ZNF385D: variants seen among roughly 807,000 people sequenced by gnomAD.
ZNF385D encodes zinc finger protein 385D, also known as zinc finger protein 659.
Under a neutral mutation model 35.8 loss-of-function variants are expected in ZNF385D, and 15 were observed. The ratio of observed to expected loss-of-function variants is 0.42; its 90% CI spans 0.28 to 0.64. The LOEUF is 0.64. Among genes scored for constraint, ZNF385D ranks in the 30% least tolerant of loss-of-function variants. ZNF385D has a pLI of 0.23. For missense variants in ZNF385D, 474 were observed against 494.6 expected, an observed-to-expected ratio of 0.96 and a Z score of 0.39; for synonymous variants, 212 against 186.8, an observed-to-expected ratio of 1.13 and a Z score of -1.10.
intron 3 of ZNF385D, among the ~76,000 whole-genome samples, chr3:22,090,540 C>T (rs577821386): frequency 9.6e-4 from 146 of 152,110 alleles, no homozygotes; most frequent in African/African-American, 3.4e-3. Flanking sequence ...CAATTCACAG[C>T]CTAAGGGTCA....
intron 2 of ZNF385D, among the ~76,000 whole-genome samples, chr3:22,183,555 A>T (rs1159492555): frequency 6.6e-6 from 1 of 152,046 alleles, no homozygotes; most frequent in East Asian, 1.9e-4. Flanking sequence ...ACGGTGTTTC[A>T]CCATATTGGC....
At chr3:22,234,269 A>G (rs1230595156) in intron 2 of ZNF385D, among the ~76,000 whole-genome samples, 1 of 152,088 alleles carries the variant, frequency 6.6e-6, no homozygotes, top group East Asian at 1.9e-4. Flanking sequence ...GTATTTTATT[A>G]GCTGCCATCA....
intron 3 of ZNF385D, among the ~76,000 whole-genome samples, chr3:21,769,936 A>G (rs533626966): frequency 1.3e-5 from 2 of 152,034 alleles, no homozygotes; most frequent in Non-Finnish European, 2.9e-5. Flanking sequence ...AATACCACAC[A>G]TCTACAACTA....
intron 4 of ZNF385D, among the ~76,000 whole-genome samples, chr3:21,476,844 T>C (rs1237299734): frequency 2.0e-5 from 3 of 152,122 alleles, no homozygotes; most frequent in East Asian, 1.9e-4. Flanking sequence ...TTCCCATCTG[T>C]GGAAGAGATT....
At chr3:22,364,202 A>G (rs1343821529) in intron 2 of ZNF385D, among the ~76,000 whole-genome samples, 1 of 152,120 alleles carries the variant, frequency 6.6e-6, no homozygotes, top group Non-Finnish European at 1.5e-5. Context: ...AGAATAAGCA[A>G]TGAGTTTTGG....
chr3:21,628,804 A>T (rs2065203485), intron 2 of ZNF385D, among the ~76,000 whole-genome samples: 1 of 152,152 alleles, frequency 6.6e-6, no homozygotes. Context: ...AAGCACTATT[A>T]ATAATGATAA....
At chr3:21,647,040 A>C (rs1348133412) in intron 2 of ZNF385D, among the ~76,000 whole-genome samples, 1 of 152,212 alleles carries the variant, frequency 6.6e-6, no homozygotes, top group Non-Finnish European at 1.5e-5. Context: ...AGTGGCAAGG[A>C]AAACAGCAAA....
At chr3:21,833,667 G>A (rs1695143960) in intron 3 of ZNF385D, among the ~76,000 whole-genome samples, 1 of 152,026 alleles carries the variant, frequency 6.6e-6, no homozygotes, top group South Asian at 2.1e-4. Context: ...GACAGCTCCA[G>A]GAAACAAAAT....
chr3:21,986,546 T>A (rs1227402485), intron 3 of ZNF385D, among the ~76,000 whole-genome samples: 1 of 146,150 alleles, frequency 6.8e-6, no homozygotes, highest in Non-Finnish European at 1.5e-5. Flanking sequence ...TTTGTTATAA[T>A]TTCTGTTCTT....
At chr3:22,110,524 A>T (rs1168464108) in intron 3 of ZNF385D, among the ~76,000 whole-genome samples, 1 of 152,106 alleles carries the variant, frequency 6.6e-6, no homozygotes, top group Non-Finnish European at 1.5e-5. Flanking sequence ...CATTCTCAGC[A>T]AACTATCACA....
chr3:21,841,939 T>C (rs899035996), intron 3 of ZNF385D, among the ~76,000 whole-genome samples: 4 of 151,696 alleles, frequency 2.6e-5, no homozygotes, highest in Non-Finnish European at 4.4e-5. Flanking sequence ...TATATACATA[T>C]ATATACACAC....
At chr3:22,014,987 A>C (rs1696795078) in intron 3 of ZNF385D, among the ~76,000 whole-genome samples, 1 of 152,096 alleles carries the variant, frequency 6.6e-6, no homozygotes, top group Admixed American at 6.5e-5. Context: ...AATTTCATTC[A>C]TCATACATGT....
At chr3:21,758,332 T>C (rs2070439711) in intron 3 of ZNF385D, among the ~76,000 whole-genome samples, 1 of 152,132 alleles carries the variant, frequency 6.6e-6, no homozygotes, top group Non-Finnish European at 1.5e-5. Context: ...ATGAGGTTAG[T>C]GATTGGAACA....
intron 3 of ZNF385D, among the ~76,000 whole-genome samples, chr3:22,048,798 T>G (rs971607170): frequency 6.6e-6 from 1 of 152,212 alleles, no homozygotes; most frequent in Non-Finnish European, 1.5e-5. Flanking sequence ...ATTGGAATTT[T>G]GATAGTGATT....
At chr3:22,072,323 G>A (rs984163063) in intron 3 of ZNF385D, among the ~76,000 whole-genome samples, 1 of 139,630 alleles carries the variant, frequency 7.2e-6, no homozygotes, top group Non-Finnish European at 1.5e-5. Flanking sequence ...CTTCTTGGAA[G>A]TTATTTGTGA....
chr3:21,900,696 T>G (rs149578838), intron 3 of ZNF385D, among the ~76,000 whole-genome samples: 194 of 152,286 alleles, frequency 1.3e-3, no homozygotes, highest in African/African-American at 4.3e-3. Flanking sequence ...ATTAGCTTGT[T>G]GTCAATATAA....
In ZNF385D at chr3:21,681,298, TAAAAAAAAA is replaced by T. The variant is rs55872870; in HGVS notation, c.23-16279_23-16271del. ...AGCCTATGTGAATATATTCCATCAG[TAAAAAAAAA>T]AAAAAAAAAAAAAAAAACCTACATT... On this transcript the variant is annotated intron_variant, in intron 1 of 7. Transcript: ENST00000281523. 1.1e-4 allele frequency among the ~76,000 whole-genome samples: 7 copies of T among 64,474 alleles called. 1 individual carries two copies. The South Asian group carries it at 5.1e-3, about 47-fold the overall frequency. The allele number at this position is 64,474 out of a possible 152,430, so 42.3% of individuals were successfully genotyped here.
At chr3:22,081,286 C>G (rs1700738000) in intron 3 of ZNF385D, among the ~76,000 whole-genome samples, 1 of 152,080 alleles carries the variant, frequency 6.6e-6, no homozygotes, top group Non-Finnish European at 1.5e-5. Flanking sequence ...ATACTGGGAG[C>G]TATATAGTAT....
chr3:22,193,987 A>G (rs936344107), intron 2 of ZNF385D, among the ~76,000 whole-genome samples: 1 of 152,020 alleles, frequency 6.6e-6, no homozygotes, highest in Non-Finnish European at 1.5e-5. Context: ...GTGGAAAATG[A>G]TAACTCATAG....
Sources: gnomAD v4.1 joint callset for allele counts (sites outside exome capture counted in the v4.1 genomes callset) on GRCh38, gnomAD v4.1.1 for gene constraint, MANE v1.5 for transcripts, NCBI Gene and HGNC (gene_info 2026-07-23, HGNC 2026-07-21) for gene names.